Variants in DIP2A observed in about 807,000 individuals in gnomAD.
DIP2A encodes the protein DIP2 acetate--CoA ligase A.
DIP2A carries 85 observed loss-of-function variants against 177.4 expected under a neutral mutation model. The observed-to-expected ratio is 0.48, with a 90% CI of 0.40 to 0.57. The LOEUF is 0.57. DIP2A is among the 20% of genes least tolerant of loss of function. The pLI, the probability that DIP2A is intolerant of heterozygous loss-of-function variation, is 0.00. For synonymous variants in DIP2A, 886 were observed against 881.8 expected, an observed-to-expected ratio of 1.00 and a Z score of -0.08; for missense variants, 1,791 against 2,100.2, an observed-to-expected ratio of 0.85 and a Z score of 2.88.
rs1220048404 is a variant in DIP2A at position 46,541,884 on chromosome 21, T to A, written c.2165T>A (p.Val722Glu). The change falls in exon 18 of 38, where the codon GTG (valine) becomes GAG (glutamate). Residue 722 changes from valine (V) to glutamate (E), a missense_variant. By Grantham distance (121) the Val-to-Glu change is moderately radical. Transcript: ENST00000417564. ...CTTACTGTTCAGGACGTTGGTCAGGTGATGCCTGGAGGTAAGAGACATAAC... is the reference window on the plus strand; with the variant it reads ...CTTACTGTTCAGGACGTTGGTCAGGAGATGCCTGGAGGTAAGAGACATAAC... ...SVLTVQDVGQ[V>E]MPGANVCVVK... 13 of 1,613,928 alleles carry A rather than the reference T, an allele frequency of 8.1e-6. 1 individual carries two copies. Among genetic ancestry groups the A allele is most frequent in the African/African-American group, 1.3e-5 (1 of 74,940 alleles).
At position 46,555,973 on chromosome 21, in the gene DIP2A, G is replaced by C; in HGVS notation, c.3389-9G>C. The stretch of plus-strand genomic sequence containing the variant: ...AACACTAATGTTGCTGGTGTCTCCT[G>C]TTTAACAGATGACATCCCAAAAAAG... On this transcript the variant is annotated splice_polypyrimidine_tract_variant and intron_variant, in intron 28 of 37. Coordinates refer to ENST00000417564, the MANE Select transcript of DIP2A (RefSeq NM_015151.4). 1 of 1,604,654 alleles carries C rather than the reference G, an allele frequency of 6.2e-7. No homozygotes were observed. The highest frequency in any genetic ancestry group is 8.5e-7 in the Non-Finnish European group (1 of 1,171,476).
chr21:46,506,857 G>A (rs1283294713), intron 6 of DIP2A, among the ~76,000 whole-genome samples: 5 of 134,644 alleles, frequency 3.7e-5, no homozygotes, highest in Non-Finnish European at 7.7e-5. Context: ...GCAGAGTGCA[G>A]TGGTGCGATC....
At chr21:46,555,376 G>A (rs981125146) in intron 28 of DIP2A, 57 of 229,156 alleles carry the variant, frequency 2.5e-4, no homozygotes, top group African/African-American at 1.8e-4. Context: ...CCCCTCTGCC[G>A]TGGACCTGTC....
At chr21:46,495,527 C>T in intron 3 of DIP2A, among the ~76,000 whole-genome samples, 1 of 152,060 alleles carries the variant, frequency 6.6e-6, no homozygotes, top group Non-Finnish European at 1.5e-5. Flanking sequence ...CTCGGCCTCC[C>T]AAAGTGCTGG....
At chr21:46,531,145 G>A (rs549807859) in intron 9 of DIP2A, among the ~76,000 whole-genome samples, 4 of 152,202 alleles carry the variant, frequency 2.6e-5, no homozygotes, top group African/African-American at 9.6e-5. Context: ...AGTCCAGGGG[G>A]GGCAGCAGAG....
chr21:46,544,326 A>G lies in DIP2A; in HGVS notation c.2177-811A>G, dbSNP rs548937841. 2.7e-4 allele frequency among the ~76,000 whole-genome samples: 41 copies of G among 152,308 alleles called. 2 individuals carry two copies. In the South Asian group the frequency reaches 7.7e-3, roughly 29 times the overall value. On this transcript the variant is annotated intron_variant, in intron 18 of 37. Coordinates refer to ENST00000417564, the MANE Select transcript of DIP2A (RefSeq NM_015151.4). ...TGTACAAATTGGCCCCCAAATGCGGAAAGGCCGAGAAATTGAAGAACGAGG... is the reference window on the plus strand; with the variant it reads ...TGTACAAATTGGCCCCCAAATGCGGGAAGGCCGAGAAATTGAAGAACGAGG...
intron 1 of DIP2A, among the ~76,000 whole-genome samples, chr21:46,468,420 A>C (rs550612084): frequency 0.041 from 6,275 of 152,050 alleles, 203 homozygotes; most frequent in Non-Finnish European, 0.063. Context: ...TCTAAAAAAA[A>C]AAAAAAAAGA....
At chr21:46,504,151 A>G (rs2057851174) in intron 5 of DIP2A, among the ~76,000 whole-genome samples, 1 of 152,244 alleles carries the variant, frequency 6.6e-6, no homozygotes, top group Non-Finnish European at 1.5e-5. Flanking sequence ...AGCCACCCAC[A>G]TGCACGCAGA....
chr21:46,494,175 A>G (rs528264349), intron 3 of DIP2A, among the ~76,000 whole-genome samples: 3 of 152,336 alleles, frequency 2.0e-5, no homozygotes, highest in Admixed American at 2.0e-4. Context: ...TATGGCTTCT[A>G]AGGAACAAGT....
chr21:46,539,892 G>C lies in DIP2A; in HGVS notation c.1937G>C (p.Cys646Ser), dbSNP rs780841579. The change falls in exon 17 of 38, where the codon TGT becomes TCT. Residue 646 changes from cysteine to serine, a missense_variant. Physicochemically the swap from Cys to Ser is moderately radical, Grantham distance 112. Transcript: ENST00000417564. Reference sequence around the variant, plus strand: ...CTCTGTGCAGGGTCGATCTCCTCCTGTGACGCCTTCCTCAACGTCTTCCAG... The same window carrying C: ...CTCTGTGCAGGGTCGATCTCCTCCTCTGACGCCTTCCTCAACGTCTTCCAG... ...DGANPWSISS[C>S]DAFLNVFQSR... 84 of 1,613,848 alleles carry C rather than the reference G, an allele frequency of 5.2e-5. No homozygotes were observed. Among genetic ancestry groups the C allele is most frequent in the Non-Finnish European group, 6.8e-5 (80 of 1,179,858 alleles).
intron 1 of DIP2A, among the ~76,000 whole-genome samples, chr21:46,471,278 G>T (rs536792490): frequency 4.7e-4 from 71 of 152,232 alleles, no homozygotes; most frequent in African/African-American, 1.7e-3. Context: ...CGATCTTCCT[G>T]CCTTGGCCTC....
At position 46,550,618 on chromosome 21, in the gene DIP2A, C is replaced by G; in HGVS notation, c.2713C>G (p.Leu905Val). The G allele has an allele frequency of 6.2e-7, 1 of 1,613,942 alleles. No homozygotes were observed. ...VPANTLPKAPLGGIHISETKQ... is the reference protein window; with the variant it reads ...VPANTLPKAPVGGIHISETKQ... ...TGCCAACACCTTGCCCAAGGCTCCT[C>G]TCGGAGGGATTCACATTTCTGAAAC... Residue 905 changes from leucine to valine, a missense_variant, in exon 23 of 38, where the codon CTC becomes GTC. Leu to Val is a conservative substitution (Grantham distance 32). Transcript: ENST00000417564.
chr21:46,577,917 A>T, the DIP2A span, among the ~76,000 whole-genome samples: 112,413 of 152,142 alleles, frequency 0.74, 42,119 homozygotes, highest in African/African-American at 0.86. Flanking sequence ...AGTTCACTTA[A>T]GATTTGGCAC....
intron 34 of DIP2A, 75 bp downstream of exon 34, chr21:46,561,880 G>T: frequency 6.3e-7 from 1 of 1,587,318 alleles, no homozygotes; most frequent in South Asian, 1.1e-5. Context: ...CGTGGAGGGT[G>T]CTGGGGGCTG....
At chr21:46,516,736 A>G (rs11701802) in intron 8 of DIP2A, among the ~76,000 whole-genome samples, 72,763 of 151,484 alleles carry the variant, frequency 0.48, 17,763 homozygotes, top group African/African-American at 0.54. Context: ...GTCATGATCC[A>G]CCTGCCTCGG....
chr21:46,579,412 C>T, the DIP2A span, among the ~76,000 whole-genome samples: 4 of 149,066 alleles, frequency 2.7e-5, no homozygotes, highest in Admixed American at 2.0e-4. Flanking sequence ...CTCCTGGATT[C>T]GTTGATTTTT....
intron 20 of DIP2A, chr21:46,546,233 G>C: frequency 7.8e-7 from 1 of 1,275,764 alleles, no homozygotes; most frequent in East Asian, 3.1e-5. Flanking sequence ...TGGCAGGTTT[G>C]TGAGTATTCA....
rs2057509027 is a variant in DIP2A, at chr21:46,498,966, A to C, written c.655+133A>C. On this transcript the variant is annotated intron_variant, in intron 5 of 37. Transcript: ENST00000417564. This position sits in a 1 kb window ranked among gnomAD's most constrained non-coding sequence, Gnocchi z 4.3. ...TAGCTGCAGGCCTGAGTGCTCTCCA[A>C]GTGACTGAGGTCACACAACCCAGAT... 4 of 1,230,382 alleles carry C rather than the reference A, an allele frequency of 3.3e-6. No individual in the cohort carries two copies. The South Asian group carries it at 6.8e-5, about 21-fold the overall frequency. The allele number at this position is 1,230,382 out of a possible 1,614,324, so 76.2% of individuals were successfully genotyped here. A position where few individuals can be genotyped will look rare whatever the true frequency, so the allele number is the denominator to read the frequency against.
rs2057864149 is a variant in DIP2A at position 46,504,359 on chromosome 21, A to G, written c.656-2A>G. 2 of 1,613,704 alleles carry G rather than the reference A, an allele frequency of 1.2e-6. No homozygotes were observed. The highest frequency in any genetic ancestry group is 1.3e-5 in the African/African-American group (1 of 74,946). The stretch of plus-strand genomic sequence containing the variant: ...CATTTTGGGTGTGTTTTTCAAAAGC[A>G]GATCTGCATTCTGCCCCTCCTGATG... On this transcript the variant is annotated splice_acceptor_variant, in intron 5 of 37. Coordinates refer to ENST00000417564, the MANE Select transcript of DIP2A (RefSeq NM_015151.4). LOFTEE classifies it high-confidence loss of function.
Sources: gnomAD v4.1 joint callset for allele counts (sites outside exome capture counted in the v4.1 genomes callset) on GRCh38, gnomAD v4.1.1 for gene constraint, Gnocchi (gnomAD v3.1) non-coding constraint, MANE v1.5 for transcripts, NCBI Gene and HGNC (gene_info 2026-07-23, HGNC 2026-07-21) for gene names.